The following PFKP variants were observed in gnomAD, a reference collection of about 807,000 sequenced individuals.
PFKP encodes ATP-dependent 6-phosphofructokinase, platelet type.
PFKP carries 101 observed loss-of-function variants against 94.3 expected under a neutral mutation model. That is an observed-to-expected ratio of 1.07 (90% CI 0.91 to 1.26). The LOEUF (loss-of-function observed/expected upper bound fraction) is 1.26. PFKP is among the 50% of genes most tolerant of loss of function. PFKP has a pLI of 0.00. For missense variants in PFKP, 1,145 were observed against 1,103.3 expected (o/e 1.04, Z -0.53); for synonymous variants, 573 against 432.6 (o/e 1.32, Z -4.03).
chr10:3,081,084 T>TATAATATAAAGTCTTTATATAAAATAAA (rs1833031273), intron 1 of PFKP, among the ~76,000 whole-genome samples: 1 of 152,246 alleles, frequency 6.6e-6, no homozygotes, highest in Non-Finnish European at 1.5e-5. Flanking sequence ...AATAAGACTA[T>TATAATATAAAGTCTTTATATAAAATAAA]GTAATATATA....
At chr10:3,082,878 A>G (rs558899066) in intron 2 of PFKP, among the ~76,000 whole-genome samples, 10 of 152,006 alleles carry the variant, frequency 6.6e-5, no homozygotes, top group Non-Finnish European at 1.2e-4. Context: ...CACCCAGCTA[A>G]TTTTTTGTAT....
intron 3 of PFKP, chr10:3,100,836 T>TTA (rs1834917909): frequency 5.9e-6 from 4 of 678,010 alleles, no homozygotes; most frequent in Non-Finnish European, 1.0e-5. Context: ...ATATAGCTCT[T>TTA]TAAAAGGGGC....
At chr10:3,125,584 C>T (rs573735445) in intron 16 of PFKP, among the ~76,000 whole-genome samples, 2 of 150,776 alleles carry the variant, frequency 1.3e-5, no homozygotes, top group East Asian at 3.9e-4. Context: ...CTGTGGGAGC[C>T]TGCAGGAAGG....
rs760126062 is a variant in PFKP at position 3,118,816 on chromosome 10, A to G, written c.1477A>G (p.Thr493Ala). The change falls in exon 15 of 22, where the codon ACA (threonine) becomes GCA (alanine). Residue 493 changes from threonine (T) to alanine (A), a missense_variant. Thr to Ala is a moderately conservative substitution (Grantham distance 58). Around this residue, in one of 3 missense-constraint regions of PFKP, gnomAD observed 1,119 missense variants for 1,062.8 expected, o/e 1.05. Coordinates refer to ENST00000381125, the MANE Select transcript of PFKP (RefSeq NM_002627.5). ...LPGKYLEEIA[T>A]QMRTHSINAL... ...GGGGAAGTACTTGGAAGAGATCGCC[A>G]CACAGATGCGCACGCACAGCATCAA... 1 of 1,613,920 alleles carries G rather than the reference A, an allele frequency of 6.2e-7. No homozygotes were observed. The highest frequency in any genetic ancestry group is 8.5e-7 in the Non-Finnish European group (1 of 1,179,890).
intron 16 of PFKP, among the ~76,000 whole-genome samples, chr10:3,125,752 G>GGGT (rs1259634567): frequency 6.6e-6 from 1 of 152,252 alleles, no homozygotes; most frequent in Non-Finnish European, 1.5e-5. Flanking sequence ...GCCTTGGGAG[G>GGGT]GGTGGATTCT....
At chr10:3,122,399 C>A (rs1837517670) in intron 16 of PFKP, among the ~76,000 whole-genome samples, 1 of 123,672 alleles carries the variant, frequency 8.1e-6, no homozygotes, top group African/African-American at 2.9e-5. Context: ...CCTCTGTGGA[C>A]CCTGAAGGGA....
At chr10:3,108,402 C>G (rs777985790) in intron 8 of PFKP, among the ~76,000 whole-genome samples, 1 of 152,198 alleles carries the variant, frequency 6.6e-6, no homozygotes, top group Admixed American at 6.5e-5. Flanking sequence ...ATGCAAGCTA[C>G]TGAAACGTTA....
chr10:3,103,839 G>C lies in PFKP; in HGVS notation c.515G>C (p.Gly172Ala). 1 of 1,614,002 alleles carries C rather than the reference G, an allele frequency of 6.2e-7. No individual in the cohort carries two copies. Among genetic ancestry groups the C allele is most frequent in the Non-Finnish European group, 8.5e-7 (1 of 1,180,018 alleles). ...YAYLNVVGMVGSIDNDFCGTD... is the reference protein window; with the variant it reads ...YAYLNVVGMVASIDNDFCGTD... ...TACCTCAACGTGGTGGGCATGGTGG[G>C]CTCCATCGACAATGATTTCTGCGGC... The change falls in exon 5 of 22, where the codon GGC becomes GCC. Residue 172 changes from glycine (G) to alanine (A), a missense_variant. Coordinates refer to ENST00000381125, the MANE Select transcript of PFKP (RefSeq NM_002627.5).
rs553560170 is a variant in PFKP, at chr10:3,136,124, C to T, written c.2225+286C>T. Among the ~76,000 whole-genome samples, 24 of 152,246 alleles carry T rather than the reference C, an allele frequency of 1.6e-4. No individual in the cohort carries two copies. The South Asian group carries it at 4.6e-3, about 29-fold the overall frequency. ...ACTAAAAATACAAAAATGAGCCAGG[C>T]ATGGTGATGCACACCTGTAGTCCCA... On this transcript the variant is annotated intron_variant, in intron 21 of 21. Coordinates refer to ENST00000381125, the MANE Select transcript of PFKP (RefSeq NM_002627.5).
At chr10:3,132,745 G>A (rs1294036819) in intron 18 of PFKP, among the ~76,000 whole-genome samples, 2 of 152,204 alleles carry the variant, frequency 1.3e-5, no homozygotes, top group Non-Finnish European at 1.5e-5. Flanking sequence ...CTCAGGGACT[G>A]TGTCCCAAGA....
intron 21 of PFKP, 152 bp downstream of exon 21, chr10:3,135,990 G>A: frequency 9.9e-6 from 6 of 605,128 alleles, no homozygotes; most frequent in Non-Finnish European, 1.8e-5. Context: ...TCTTGGCTGG[G>A]CGCGGTGGCT....
At chr10:3,084,045 C>T (rs1229645320) in intron 2 of PFKP, among the ~76,000 whole-genome samples, 1 of 152,164 alleles carries the variant, frequency 6.6e-6, no homozygotes, top group Non-Finnish European at 1.5e-5. Context: ...CACTATTTAG[C>T]TTTCTCCCCG....
rs746881107 is a variant in PFKP at position 3,113,507 on chromosome 10, G to A, written c.1360G>A (p.Ala454Thr). 18 of 1,612,408 alleles carry A rather than the reference G, an allele frequency of 1.1e-5. No individual in the cohort carries two copies. Among genetic ancestry groups the A allele is most frequent in the South Asian group, 6.6e-5 (6 of 91,050 alleles). The stretch of plus-strand genomic sequence containing the variant: ...CATCTATGATGGCTTTGACGGCTTC[G>A]CCAAGGGCCAGGTGAGTCACCCAGG... ...LAIYDGFDGF[A>T]KGQIKEIGWT... The change falls in exon 13 of 22, where the codon GCC (alanine) becomes ACC (threonine). Residue 454 changes from alanine to threonine, a missense_variant. Physicochemically the swap from Ala to Thr is moderately conservative, Grantham distance 58. This residue lies in a region of PFKP where 1,119 missense variants were observed against 1,062.8 expected (regional missense o/e 1.05). Transcript: ENST00000381125.
chr10:3,120,311 G>A (rs1004732869), intron 16 of PFKP, among the ~76,000 whole-genome samples: 5 of 152,110 alleles, frequency 3.3e-5, no homozygotes, highest in African/African-American at 4.8e-5. Context: ...GTGAGCACCC[G>A]AGGCGCTGAG....
chr10:3,133,789 G>A (rs1209810398), intron 19 of PFKP, among the ~76,000 whole-genome samples: 1 of 152,220 alleles, frequency 6.6e-6, no homozygotes, highest in African/African-American at 2.4e-5. Flanking sequence ...TCTTTTGTTG[G>A]TGAGGTTTGA....
intron 16 of PFKP, among the ~76,000 whole-genome samples, chr10:3,121,829 TTC>T (rs1158434527): frequency 0.063 from 960 of 15,348 alleles, 79 homozygotes; most frequent in Non-Finnish European, 0.093. Context: ...TTTTTTTTTT[TTC>T]TTTTTTTGGA....
intron 16 of PFKP, chr10:3,129,256 C>T (rs1838287092): frequency 6.6e-6 from 1 of 152,250 alleles, no homozygotes; most frequent in South Asian, 2.1e-4. Context: ...CCCCAGGTGC[C>T]TGGGTCTAAG....
chr10:3,124,931 G>A (rs983721278), intron 16 of PFKP, among the ~76,000 whole-genome samples: 8 of 152,198 alleles, frequency 5.3e-5, no homozygotes, highest in African/African-American at 1.9e-4. Flanking sequence ...GGCCTGTGCT[G>A]CTCTCGCACG....
chr10:3,110,687 AGTGT>A (rs1836113883), intron 10 of PFKP, among the ~76,000 whole-genome samples: 1 of 151,952 alleles, frequency 6.6e-6, no homozygotes, highest in Admixed American at 6.6e-5. Context: ...TATGTGTGTG[AGTGT>A]GTGCGCAGGC....
Sources: allele counts gnomAD v4.1 joint callset (sites outside exome capture counted in the v4.1 genomes callset), GRCh38; gene constraint gnomAD v4.1.1; regional missense constraint gnomAD v4.1.1; transcripts MANE v1.5; gene names NCBI Gene and HGNC (gene_info 2026-07-23, HGNC 2026-07-21).